ZNF397: variants seen among roughly 807,000 people sequenced by gnomAD.
ZNF397 encodes the protein zinc finger protein 397.
Under a neutral mutation model 50.6 loss-of-function variants are expected in ZNF397, and 38 were observed. The observed-to-expected ratio is 0.75, with a 90% CI of 0.58 to 0.98. ZNF397 has a LOEUF of 0.98. Among genes scored for constraint, ZNF397 ranks in the 50% least tolerant of loss-of-function variants. The probability of loss-of-function intolerance (pLI) is 0.00; values close to 1 mark genes in which losing one functional copy is unlikely to be tolerated. For synonymous variants in ZNF397, 228 were observed against 215.2 expected (o/e 1.06, Z -0.52); for missense variants, 624 against 624.1 (o/e 1.00, Z 0.00).
intron 3 of ZNF397, among the ~76,000 whole-genome samples, chr18:35,244,494 G>A (rs934496386): frequency 2.0e-5 from 3 of 152,132 alleles, no homozygotes; most frequent in African/African-American, 4.8e-5. Flanking sequence ...TGGAAGCCAA[G>A]GGTAGAGAGT....
chr18:35,244,842 A>G (rs1273614202), intron 3 of ZNF397, among the ~76,000 whole-genome samples: 1 of 152,184 alleles, frequency 6.6e-6, no homozygotes, highest in Non-Finnish European at 1.5e-5. Flanking sequence ...AAGGCTGCAG[A>G]CAACTCTTTC....
chr18:35,257,780 C>T (rs1328029575), intron 5 of ZNF397: 5 of 712,540 alleles, frequency 7.0e-6, no homozygotes, highest in African/African-American at 3.5e-5. Flanking sequence ...CCCATCTCTG[C>T]GTCAAGAAGA....
downstream of ZNF397, chr18:35,253,883 T>C (rs1013605688): frequency 2.5e-6 from 4 of 1,614,172 alleles, no homozygotes; most frequent in South Asian, 3.3e-5. Flanking sequence ...TTCACCACTA[T>C]GAATTCTCTG....
In ZNF397 at chr18:35,245,791, C is replaced by T; in HGVS notation, c.1086C>T (p.Ile362=). Residue 362 remains isoleucine (I), a synonymous_variant, in exon 4 of 4, where the codon ATC becomes ATT. Transcript: ENST00000330501. ...QSSALIRHRK[I]HTGEKACKCN... is the part of the protein sequence containing the mutation. Reference sequence around the variant, plus strand: ...CAGCCCTCATTAGACATCGGAAAATCCATACTGGTGAGAAAGCTTGTAAAT... The same window carrying T: ...CAGCCCTCATTAGACATCGGAAAATTCATACTGGTGAGAAAGCTTGTAAAT... The T allele has an allele frequency of 1.9e-6, 3 of 1,551,598 alleles. No homozygotes were observed. Among genetic ancestry groups the T allele is most frequent in the Non-Finnish European group, 2.6e-6 (3 of 1,147,046 alleles).
downstream of ZNF397, chr18:35,253,793 C>G: frequency 6.2e-7 from 1 of 1,614,222 alleles, no homozygotes; most frequent in Non-Finnish European, 8.5e-7. Context: ...AGGCTTCTCT[C>G]CAGTGTGGAT....
rs1912580386 is a variant in ZNF397 at position 35,242,462 on chromosome 18, C to T, written c.-9C>T. 6.2e-7 allele frequency: 1 copy of T among 1,606,236 alleles called. No homozygotes were observed. The highest frequency in any genetic ancestry group is 1.3e-5 in the African/African-American group (1 of 74,562). On this transcript the variant is annotated 5_prime_UTR_variant, in exon 2 of 4. Transcript: ENST00000330501. ...TACTGAGCTTTTTGCTAAGCTGTTT[C>T]AGCCAAGAATGGCTGTGGAATCTGG...
chr18:35,252,951 ATAT>A (rs1355057267), downstream of ZNF397: 1 of 153,654 alleles, frequency 6.5e-6, no homozygotes, highest in Non-Finnish European at 1.4e-5. Flanking sequence ...ACTGCCTCAG[ATAT>A]TATTAAACTA....
Position 35,241,083 on chromosome 18 carries a change from AT to A in ZNF397, c.-104del, listed in dbSNP as rs1214754515. 1 of 152,424 alleles carries A rather than the reference AT, an allele frequency of 6.6e-6. No individual in the cohort carries two copies. The highest frequency in any genetic ancestry group is 1.9e-4 in the East Asian group (1 of 5,142). The allele number at this position is 152,424 out of a possible 1,614,324, so 9.4% of individuals were successfully genotyped here. A position where few individuals can be genotyped will look rare whatever the true frequency, so the allele number is the denominator to read the frequency against. On this transcript the variant is annotated 5_prime_UTR_variant, in exon 1 of 4. Coordinates refer to ENST00000330501, the MANE Select transcript of ZNF397 (RefSeq NM_001135178.3). ...GCTTGCAGCTCGGGGTGGGTGGCTC[AT>A]TTCCTGGCCGCTCCTGGGCTTCGCG...
chr18:35,254,359 T>C (rs141160631), downstream of ZNF397: 81 of 1,613,772 alleles, frequency 5.0e-5, no homozygotes, highest in Non-Finnish European at 6.7e-5. Flanking sequence ...CCATCAACAC[T>C]TTGCCAGCCA....
In ZNF397 at chr18:35,249,019, AG is replaced by A. The variant is rs2043526194; in HGVS notation, c.*2710del. Reference sequence around the variant, plus strand: ...CACAACCTGACTGTGGAGCCACTTCAGTATACTCTCTCCCCATAAGAAAGTT... The same window carrying A: ...CACAACCTGACTGTGGAGCCACTTCATATACTCTCTCCCCATAAGAAAGTT... On this transcript the variant is annotated 3_prime_UTR_variant, in exon 4 of 4. Coordinates refer to ENST00000330501, the MANE Select transcript of ZNF397 (RefSeq NM_001135178.3). 6.6e-6 allele frequency: 1 copy of A among 152,188 alleles called. No individual in the cohort carries two copies. The highest frequency in any genetic ancestry group is 6.6e-5 in the Admixed American group (1 of 15,260). The allele number at this position is 152,188 out of a possible 1,614,324, so 9.4% of individuals were successfully genotyped here.
chr18:35,245,619 G>A lies in ZNF397; in HGVS notation c.914G>A (p.Arg305Lys). Residue 305 changes from arginine to lysine, a missense_variant, in exon 4 of 4, where the codon AGA becomes AAA. By Grantham distance (26) the Arg-to-Lys change is conservative (BLOSUM62 2). Coordinates refer to ENST00000330501, the MANE Select transcript of ZNF397 (RefSeq NM_001135178.3). Reference protein sequence around the residue: ...KQHSSLTQHQRIHTGEKPYKC... With the variant: ...KQHSSLTQHQKIHTGEKPYKC... ...CATTCCTCTCTAACACAACATCAGA[G>A]AATCCATACTGGAGAAAAGCCCTAT... The A allele has an allele frequency of 3.2e-6, 5 of 1,554,598 alleles. No homozygotes were observed. The highest frequency in any genetic ancestry group is 2.0e-5 in the Admixed American group (1 of 51,214).
chr18:35,246,076 A>G lies in ZNF397; in HGVS notation c.1371A>G (p.Glu457=). 1 of 1,558,538 alleles carries G rather than the reference A, an allele frequency of 6.4e-7. No homozygotes were observed. Among genetic ancestry groups the G allele is most frequent in the South Asian group, 1.2e-5 (1 of 84,548 alleles). Residue 457 remains glutamate (E), a synonymous_variant, in exon 4 of 4, where the codon GAA becomes GAG. Transcript: ENST00000330501. ...GAGAGAAACCCTATGAATGTAGTGA[A>G]TGTGGAAAAGCTTTCAGTTTGAGCT... ...HSGEKPYECS[E]CGKAFSLSSN...
At position 35,246,270 on chromosome 18, in the gene ZNF397, C is replaced by G. The variant is rs1189236394; in HGVS notation, c.1565C>G (p.Ser522Trp). 8 of 1,551,656 alleles carry G rather than the reference C, an allele frequency of 5.2e-6. No individual in the cohort carries two copies. In the African/African-American group the frequency reaches 6.8e-5, roughly 13 times the overall value. ...NECGKAFRHR[S>W]VLMRHQRVHT... The stretch of plus-strand genomic sequence containing the variant: ...TGTGGGAAGGCTTTCAGGCACAGAT[C>G]GGTCCTTATGCGCCATCAAAGAGTC... The change falls in exon 4 of 4, where the codon TCG (serine) becomes TGG (tryptophan). Residue 522 changes from serine to tryptophan, a missense_variant. Ser to Trp is a radical substitution (Grantham distance 177). Coordinates refer to ENST00000330501, the MANE Select transcript of ZNF397 (RefSeq NM_001135178.3).
intron 5 of ZNF397, among the ~76,000 whole-genome samples, chr18:35,256,039 G>A (rs1372898720): frequency 6.6e-6 from 1 of 151,836 alleles, no homozygotes; most frequent in African/African-American, 2.4e-5. Flanking sequence ...AAAATTAAGG[G>A]CAATGAAAAT....
In ZNF397 at chr18:35,241,059, C is replaced by A. The variant is rs969328209; in HGVS notation, c.-131C>A. On this transcript the variant is annotated 5_prime_UTR_variant, in exon 1 of 4. Transcript: ENST00000330501. The stretch of plus-strand genomic sequence containing the variant: ...GTACGCGCACTTCCGGTCTTTGTGG[C>A]TTGCAGCTCGGGGTGGGTGGCTCAT... 6.6e-6 allele frequency: 1 copy of A among 152,392 alleles called. No individual in the cohort carries two copies. The highest frequency in any genetic ancestry group is 1.5e-5 in the Non-Finnish European group (1 of 68,162). The allele number at this position is 152,392 out of a possible 1,614,324, so 9.4% of individuals were successfully genotyped here.
At position 35,246,290 on chromosome 18, in the gene ZNF397, A is replaced by G. The variant is rs1259350590; in HGVS notation, c.1585A>G (p.Arg529Gly). 1 of 1,548,422 alleles carries G rather than the reference A, an allele frequency of 6.5e-7. No individual in the cohort carries two copies. Among genetic ancestry groups the G allele is most frequent in the South Asian group, 1.2e-5 (1 of 83,524 alleles). The change falls in exon 4 of 4, where the codon AGA becomes GGA. Residue 529 changes from arginine (R) to glycine (G), a missense_variant. Arg to Gly is a moderately radical substitution (Grantham distance 125). Transcript: ENST00000330501. Reference sequence around the variant, plus strand: ...CAGATCGGTCCTTATGCGCCATCAAAGAGTCCACACTATAAAGTAATTTGT... The same window carrying G: ...CAGATCGGTCCTTATGCGCCATCAAGGAGTCCACACTATAAAGTAATTTGT... ...RHRSVLMRHQ[R>G]VHTIK
At position 35,245,539 on chromosome 18, in the gene ZNF397, T is replaced by G; in HGVS notation, c.834T>G (p.Val278=). 1 of 1,552,402 alleles carries G rather than the reference T, an allele frequency of 6.4e-7. No homozygotes were observed. Among genetic ancestry groups the G allele is most frequent in the Non-Finnish European group, 8.7e-7 (1 of 1,147,172 alleles). Residue 278 remains valine (V), a synonymous_variant, in exon 4 of 4, where the codon GTT becomes GTG. Coordinates refer to ENST00000330501, the MANE Select transcript of ZNF397 (RefSeq NM_001135178.3). ...LTTDSIMCQK[V]PPEERPYRCD... is the part of the protein sequence containing the mutation. ...CAGACTCTATAATGTGTCAGAAAGT[T>G]CCTCCAGAAGAGAGACCTTATAGAT... is the stretch of plus-strand genomic sequence containing the variant.
chr18:35,257,660 C>T lies in ZNF397; in HGVS notation c.818-268C>T, dbSNP rs1336238219. 5 of 525,990 alleles carry T rather than the reference C, an allele frequency of 9.5e-6. No individual in the cohort carries two copies. The East Asian group carries it at 1.6e-4, about 17-fold the overall frequency. The allele number at this position is 525,990 out of a possible 1,614,324, so 32.6% of individuals were successfully genotyped here. On this transcript the variant is annotated intron_variant, in intron 5 of 5. Transcript: ENST00000261333. ...GTTGATGGTATTTTGTTATAGCAGTCCTAACCGATTAAGACAGCTCCTAAC... is the reference window on the plus strand; with the variant it reads ...GTTGATGGTATTTTGTTATAGCAGTTCTAACCGATTAAGACAGCTCCTAAC...
At chr18:35,242,122 T>C (rs1912549560) in intron 1 of ZNF397, among the ~76,000 whole-genome samples, 1 of 152,242 alleles carries the variant, frequency 6.6e-6, no homozygotes, top group African/African-American at 2.4e-5. Context: ...AAAGGAAATT[T>C]TCTCACTATG....
Sources: allele counts gnomAD v4.1 joint callset (sites outside exome capture counted in the v4.1 genomes callset), GRCh38; gene constraint gnomAD v4.1.1; transcripts MANE v1.5; gene names NCBI Gene and HGNC (gene_info 2026-07-23, HGNC 2026-07-21).